The following GRK7 variants were observed in gnomAD, a reference collection of about 807,000 sequenced individuals.
The protein encoded by GRK7 is G protein-coupled receptor kinase 7.
In GRK7, 24 loss-of-function variants were observed where a neutral mutation model predicts 34.1. The observed-to-expected ratio is 0.70, with a 90% CI of 0.51 to 0.99. The LOEUF is 0.99. GRK7 is among the 50% of genes least tolerant of loss of function. The pLI is 0.00. For synonymous variants in GRK7, 256 were observed against 279.4 expected (o/e 0.92, Z 0.84); for missense variants, 644 against 707.3 (o/e 0.91, Z 1.02).
Position 141,807,656 on chromosome 3 carries a change from T to C in GRK7, c.1062T>C (p.Asn354=), listed in dbSNP as rs776739277. Residue 354 remains asparagine (N), a synonymous_variant, in exon 5 of 6, where the codon AAT becomes AAC. Coordinates refer to ENST00000682958, the MANE Select transcript of GRK7 (RefSeq NM_139209.3). ...GKPITQRAGT[N]GYMAPEILME... ...TTGGGATGTTACAGGCTGGAACCAA[T>C]GGTTACATGGCTCCTGAGATCCTAA... is the stretch of plus-strand genomic sequence containing the variant. 4.3e-6 allele frequency: 7 copies of C among 1,613,858 alleles called. No individual in the cohort carries two copies. Among genetic ancestry groups the C allele is most frequent in the South Asian group, 2.2e-5 (2 of 91,074 alleles).
intron 5 of GRK7, among the ~76,000 whole-genome samples, chr3:141,812,523 A>G (rs1270926432): frequency 1.3e-5 from 2 of 152,244 alleles, no homozygotes; most frequent in African/African-American, 2.4e-5. Context: ...CTTCACTGGT[A>G]GCAGCAGCAC....
intron 4 of GRK7, among the ~76,000 whole-genome samples, chr3:141,799,083 T>A (rs1442270839): frequency 6.6e-6 from 1 of 152,110 alleles, no homozygotes; most frequent in Non-Finnish European, 1.5e-5. Context: ...AACCCTCTGC[T>A]GTGTGGAGCA....
In GRK7 at chr3:141,801,726, A is replaced by G. The variant is rs890261311; in HGVS notation, c.1051-5919A>G. ...GTGACCTTATCTTTTAGAGATTCAT[A>G]GTGAAATACAAATGATGCATGACTA... is the stretch of plus-strand genomic sequence containing the variant. On this transcript the variant is annotated intron_variant, in intron 4 of 5. Coordinates refer to ENST00000682958, the MANE Select transcript of GRK7 (RefSeq NM_139209.3). 1.8e-4 allele frequency among the ~76,000 whole-genome samples: 27 copies of G among 152,196 alleles called. 1 individual carries two copies. Among genetic ancestry groups the G allele is most frequent in the Non-Finnish European group, 7.3e-5 (5 of 68,030 alleles).
chr3:141,766,795 A>C (rs185878935), intron 1 of GRK7, among the ~76,000 whole-genome samples: 6 of 152,356 alleles, frequency 3.9e-5, no homozygotes, highest in African/African-American at 1.4e-4. Flanking sequence ...TATGTCTTCT[A>C]ATAAAATCTC....
At chr3:141,770,475 A>C (rs983579474) in intron 1 of GRK7, among the ~76,000 whole-genome samples, 1 of 152,156 alleles carries the variant, frequency 6.6e-6, no homozygotes, top group African/African-American at 2.4e-5. Flanking sequence ...TGATTACTTC[A>C]AATTATTAAA....
chr3:141,761,762 G>A (rs1408185842), upstream of GRK7, among the ~76,000 whole-genome samples: 43 of 121,868 alleles, frequency 3.5e-4, no homozygotes, highest in Admixed American at 5.3e-4. Flanking sequence ...CCAATCAGAC[G>A]TAGATTTGGT....
intron 4 of GRK7, among the ~76,000 whole-genome samples, chr3:141,800,142 G>A (rs1710939602): frequency 6.6e-6 from 1 of 152,144 alleles, no homozygotes; most frequent in Non-Finnish European, 1.5e-5. Context: ...CCAAGAACAT[G>A]AGGCCCAAAG....
intron 4 of GRK7, among the ~76,000 whole-genome samples, chr3:141,805,524 C>T (rs548073991): frequency 4.6e-5 from 7 of 152,140 alleles, no homozygotes; most frequent in Non-Finnish European, 1.0e-4. Flanking sequence ...GGGACTGTCC[C>T]AAGCAAACCG....
intron 4 of GRK7, among the ~76,000 whole-genome samples, chr3:141,797,379 G>A (rs1460895442): frequency 6.6e-6 from 1 of 152,186 alleles, no homozygotes; most frequent in Non-Finnish European, 1.5e-5. Context: ...AGTCCCCTGG[G>A]GTCCCAGGGC....
chr3:141,810,113 A>G (rs1711077167), intron 5 of GRK7, among the ~76,000 whole-genome samples: 1 of 152,226 alleles, frequency 6.6e-6, no homozygotes, highest in Admixed American at 6.5e-5. Flanking sequence ...CTTAATAAGA[A>G]AAGACTGACT....
At chr3:141,762,196 G>A (rs1049957868), upstream of GRK7, among the ~76,000 whole-genome samples, 221 of 151,194 alleles carry the variant, frequency 1.5e-3, no homozygotes, top group South Asian at 5.9e-3. Flanking sequence ...GGCGCTCTGC[G>A]TTTTAGAGTT....
Position 141,807,776 on chromosome 3 carries a change from C to A in GRK7, c.1182C>A (p.Tyr394Ter), listed in dbSNP as rs748157258. 5 of 1,614,122 alleles carry A rather than the reference C, an allele frequency of 3.1e-6. No homozygotes were observed. In the South Asian group the frequency reaches 4.4e-5, roughly 14 times the overall value. The stretch of plus-strand genomic sequence containing the variant: ...CTGGACGAACACCATTCAAAGATTA[C>A]AAGGAAAAGGTCAGTAAAGAGGATC... ...MVAGRTPFKD[Y>*]KEKVSKEDLK... Residue 394 changes from tyrosine to a stop codon, truncating the protein, a stop_gained, in exon 5 of 6, where the codon TAC becomes TAA. Transcript: ENST00000682958. LOFTEE classifies it high-confidence loss of function.
At chr3:141,804,752 C>T (rs1334640181) in intron 4 of GRK7, among the ~76,000 whole-genome samples, 1 of 151,620 alleles carries the variant, frequency 6.6e-6, no homozygotes, top group Non-Finnish European at 1.5e-5. Context: ...CATACATATG[C>T]ACACTCACAT....
the GRK7 span, among the ~76,000 whole-genome samples, chr3:141,750,030 G>A: frequency 6.7e-6 from 1 of 150,104 alleles, no homozygotes; most frequent in Admixed American, 6.6e-5. Flanking sequence ...AAAAAAAAAA[G>A]AAATATGAAT....
rs118012223 is a variant in GRK7, at chr3:141,795,505, G to A, written c.1051-12140G>A. On this transcript the variant is annotated intron_variant, in intron 4 of 5. Coordinates refer to ENST00000682958, the MANE Select transcript of GRK7 (RefSeq NM_139209.3). Reference sequence around the variant, plus strand: ...TGGCTGCAGTGTGGAGTCATGAGGTGGGAGGGGTGACTAACGATACAACTA... The same window carrying A: ...TGGCTGCAGTGTGGAGTCATGAGGTAGGAGGGGTGACTAACGATACAACTA... Among the ~76,000 whole-genome samples the A allele has an allele frequency of 3.2e-4, 49 of 152,320 alleles. 1 individual carries two copies. In the East Asian group the frequency reaches 9.3e-3, roughly 29 times the overall value.
Position 141,780,783 on chromosome 3 carries a change from T to G in GRK7, c.1022T>G (p.Met341Arg). The G allele has an allele frequency of 6.2e-7, 1 of 1,613,966 alleles. No homozygotes were observed. Among genetic ancestry groups the G allele is most frequent in the Non-Finnish European group, 8.5e-7 (1 of 1,179,928 alleles). ...TCTGACCTGGGGCTGGCCGTGGAGA[T>G]GAAGGGTGGCAAGCCCATCACCCAG... Reference protein sequence around the residue: ...RLSDLGLAVEMKGGKPITQRA... With the variant: ...RLSDLGLAVERKGGKPITQRA... Residue 341 changes from methionine (M) to arginine (R), a missense_variant, in exon 4 of 6, where the codon ATG becomes AGG. Transcript: ENST00000682958.
At chr3:141,814,202 C>A (rs530271175) in intron 5 of GRK7, among the ~76,000 whole-genome samples, 1 of 142,746 alleles carries the variant, frequency 7.0e-6, no homozygotes, top group East Asian at 2.0e-4. Context: ...AAACTGACTT[C>A]TTTTAAAAGG....
intron 4 of GRK7, among the ~76,000 whole-genome samples, chr3:141,805,001 C>T (rs1711013352): frequency 1.3e-5 from 2 of 151,436 alleles, no homozygotes; most frequent in Admixed American, 6.6e-5. Context: ...CACACATACA[C>T]TCACACACAC....
chr3:141,817,012 G>A lies in GRK7; in HGVS notation c.1624G>A (p.Gly542Ser), dbSNP rs760253615. Residue 542 changes from glycine (G) to serine (S), a missense_variant, in exon 6 of 6, where the codon GGT becomes AGT. Coordinates refer to ENST00000682958, the MANE Select transcript of GRK7 (RefSeq NM_139209.3). ...DPNRPTGCEE[G>S]NSSKSGVCLL... ...CAACAGACCTACGGGTTGTGAGGAGGGTAATTCATCCAAGTCTGGCGTGTG... is the reference window on the plus strand; with the variant it reads ...CAACAGACCTACGGGTTGTGAGGAGAGTAATTCATCCAAGTCTGGCGTGTG... 1.9e-6 allele frequency: 3 copies of A among 1,610,706 alleles called. No homozygotes were observed. Among genetic ancestry groups the A allele is most frequent in the Non-Finnish European group, 2.5e-6 (3 of 1,179,292 alleles).
Sources: gnomAD v4.1 joint callset for allele counts (sites outside exome capture counted in the v4.1 genomes callset) on GRCh38, gnomAD v4.1.1 for gene constraint, MANE v1.5 for transcripts, NCBI Gene and HGNC (gene_info 2026-07-23, HGNC 2026-07-21) for gene names.